Variants in SESN1 observed in about 807,000 individuals in gnomAD.
SESN1 encodes sestrin-1.
SESN1 carries 30 observed loss-of-function variants against 59.3 expected under a neutral mutation model. The ratio of observed to expected loss-of-function variants is 0.51; its 90% CI spans 0.38 to 0.69. The LOEUF is 0.69. Ranked by LOEUF, SESN1 falls within the 30% of genes least tolerant of loss-of-function variation. The pLI is 0.00. For missense variants in SESN1, 566 were observed against 673.0 expected, an observed-to-expected ratio of 0.84 and a Z score of 1.76; for synonymous variants, 197 against 219.9, an observed-to-expected ratio of 0.90 and a Z score of 0.92.
At chr6:109,085,756 G>GA (rs1304805345) in intron 1 of SESN1, among the ~76,000 whole-genome samples, 2 of 152,154 alleles carry the variant, frequency 1.3e-5, no homozygotes, top group Non-Finnish European at 2.9e-5. Context: ...ACCATCGTGT[G>GA]AAAAAATAAA....
chr6:109,061,805 A>G (rs1184727887), intron 1 of SESN1, among the ~76,000 whole-genome samples: 2 of 151,724 alleles, frequency 1.3e-5, no homozygotes, highest in East Asian at 1.9e-4. Flanking sequence ...TCCTGTCTCA[A>G]AAAAAAAATT....
intron 1 of SESN1, among the ~76,000 whole-genome samples, chr6:109,013,100 GAAAA>G (rs747369277): frequency 2.3e-5 from 3 of 129,394 alleles, no homozygotes; most frequent in Non-Finnish European, 5.2e-5. Flanking sequence ...TGGCAACAGG[GAAAA>G]AAAAAAAAAG....
chr6:109,088,459 C>T (rs567600564), intron 1 of SESN1, among the ~76,000 whole-genome samples: 1 of 151,824 alleles, frequency 6.6e-6, no homozygotes, highest in Non-Finnish European at 1.5e-5. Context: ...TACCCAGCAA[C>T]GAAAGTTTCA....
At chr6:109,012,693 A>C (rs1281830784) in intron 1 of SESN1, among the ~76,000 whole-genome samples, 2 of 152,178 alleles carry the variant, frequency 1.3e-5, no homozygotes, top group Non-Finnish European at 2.9e-5. Context: ...CAGAGTTCTA[A>C]GTAAAAGATC....
intron 1 of SESN1, chr6:109,088,144 G>C (rs969673187): frequency 6.6e-6 from 1 of 152,116 alleles, no homozygotes; most frequent in Non-Finnish European, 1.5e-5. Flanking sequence ...CCGAGAGAGA[G>C]ACGTGGGAAG....
intron 1 of SESN1, among the ~76,000 whole-genome samples, chr6:109,040,637 A>G (rs898523321): frequency 2.6e-5 from 4 of 151,648 alleles, no homozygotes; most frequent in African/African-American, 9.7e-5. Flanking sequence ...TTAAACATAT[A>G]TGTGACAAAC....
chr6:109,068,772 G>A lies in SESN1; in HGVS notation c.279+25023C>T, dbSNP rs185381050. On this transcript the variant is annotated intron_variant, in intron 1 of 9. Coordinates refer to ENST00000436639, the MANE Select transcript of SESN1 (RefSeq NM_014454.3). ...CTTCACTCTTATTGCCCAGGCTGAA[G>A]TGCAGTGGTACGATCCTGGCTCACT... Among the ~76,000 whole-genome samples the A allele has an allele frequency of 4.6e-3, 693 of 149,562 alleles. 1 individual carries two copies. Among genetic ancestry groups the A allele is most frequent in the African/African-American group, 0.015 (586 of 40,410 alleles).
chr6:109,093,767 T>G (rs775354080), intron 1 of SESN1, 28 bp downstream of exon 1: 3 of 1,601,600 alleles, frequency 1.9e-6, no homozygotes, highest in African/African-American at 1.3e-5. Flanking sequence ...AGTAGAGACA[T>G]AGTTGTATTT....
At chr6:109,073,477 T>C in intron 1 of SESN1, among the ~76,000 whole-genome samples, 1 of 152,322 alleles carries the variant, frequency 6.6e-6, no homozygotes, top group East Asian at 1.9e-4. Flanking sequence ...ATAAGTGTTG[T>C]GACATTGCAA....
chr6:109,008,258 TC>T (rs1331656610), intron 1 of SESN1, among the ~76,000 whole-genome samples: 3 of 152,176 alleles, frequency 2.0e-5, no homozygotes, highest in African/African-American at 7.2e-5. Flanking sequence ...GGGGCTCACT[TC>T]TACTCAAAAA....
chr6:109,021,561 G>A (rs929605687), intron 1 of SESN1, among the ~76,000 whole-genome samples: 1 of 151,410 alleles, frequency 6.6e-6, no homozygotes, highest in African/African-American at 2.4e-5. Flanking sequence ...CCTCAGCCTC[G>A]CAATTAGCTG....
At chr6:109,009,393 C>A in intron 1 of SESN1, 1 of 1,462,202 alleles carries the variant, frequency 6.8e-7, no homozygotes, top group Non-Finnish European at 9.0e-7. Flanking sequence ...GCACTGCTTG[C>A]AGCCCAGCAG....
At chr6:108,996,446 G>C (rs1352753047) in intron 5 of SESN1, among the ~76,000 whole-genome samples, 2 of 152,014 alleles carry the variant, frequency 1.3e-5, no homozygotes, top group Non-Finnish European at 2.9e-5. Context: ...ATGACTCAAA[G>C]TTTAAAAAAG....
intron 1 of SESN1, among the ~76,000 whole-genome samples, chr6:109,047,010 G>C: frequency 2.1e-5 from 1 of 47,394 alleles, no homozygotes; most frequent in Middle Eastern, 0.014. Flanking sequence ...TCAGCCCCCT[G>C]CCCGGCCAGC....
chr6:109,064,905 T>A, intron 1 of SESN1, among the ~76,000 whole-genome samples: 1 of 151,988 alleles, frequency 6.6e-6, no homozygotes, highest in East Asian at 1.9e-4. Context: ...AGTCCTCTGT[T>A]TTACTTTCTA....
chr6:109,028,738 GC>G (rs1440849210), intron 1 of SESN1, among the ~76,000 whole-genome samples: 1 of 152,084 alleles, frequency 6.6e-6, no homozygotes, highest in African/African-American at 2.4e-5. Context: ...AAAAATAATT[GC>G]CCCGATCTCA....
At chr6:109,084,335 C>T (rs1299345817) in intron 1 of SESN1, among the ~76,000 whole-genome samples, 1 of 152,078 alleles carries the variant, frequency 6.6e-6, no homozygotes, top group East Asian at 1.9e-4. Flanking sequence ...CCGAGGCAGG[C>T]GGTTCACTTG....
At chr6:109,019,190 T>TAC (rs569714529) in intron 1 of SESN1, among the ~76,000 whole-genome samples, 14 of 151,996 alleles carry the variant, frequency 9.2e-5, no homozygotes, top group East Asian at 3.9e-4. Context: ...AAACATTTTT[T>TAC]ACACACACAC....
chr6:109,017,506 C>T (rs908927180), intron 1 of SESN1, among the ~76,000 whole-genome samples: 2 of 152,076 alleles, frequency 1.3e-5, no homozygotes, highest in African/African-American at 4.8e-5. Flanking sequence ...AGGATGGTCT[C>T]GATCTCCTCA....
Sources: gnomAD v4.1 joint callset for allele counts (sites outside exome capture counted in the v4.1 genomes callset) on GRCh38, gnomAD v4.1.1 for gene constraint, MANE v1.5 for transcripts, NCBI Gene and HGNC (gene_info 2026-07-23, HGNC 2026-07-21) for gene names.